Variants in PDE8B observed in about 807,000 individuals in gnomAD.
The protein encoded by PDE8B is high affinity cAMP-specific and IBMX-insensitive 3',5'-cyclic phosphodiesterase 8B.
PDE8B carries 26 observed loss-of-function variants against 101.3 expected under a neutral mutation model. That is an observed-to-expected ratio of 0.26 (90% CI 0.19 to 0.36). The LOEUF is 0.36. PDE8B is among the 10% of genes least tolerant of loss of function. The probability of loss-of-function intolerance (pLI) is 1.00; values close to 1 mark genes in which losing one functional copy is unlikely to be tolerated. For missense variants in PDE8B, 810 were observed against 1,163.1 expected, an observed-to-expected ratio of 0.70 and a Z score of 4.42; for synonymous variants, 424 against 429.3, an observed-to-expected ratio of 0.99 and a Z score of 0.15.
At chr5:77,299,270 T>C (rs995760315) in intron 1 of PDE8B, among the ~76,000 whole-genome samples, 1 of 131,316 alleles carries the variant, frequency 7.6e-6, no homozygotes, top group African/African-American at 2.9e-5. Flanking sequence ...TTGTTTGTTT[T>C]ATTTTATTAT....
chr5:77,144,782 C>G, the PDE8B span: 1 of 152,040 alleles, frequency 6.6e-6, no homozygotes, highest in African/African-American at 2.4e-5. Flanking sequence ...AACTGATAGC[C>G]AGGCCTGGCT....
chr5:77,362,666 T>C (rs566406235), intron 10 of PDE8B, among the ~76,000 whole-genome samples: 4 of 152,356 alleles, frequency 2.6e-5, no homozygotes, highest in African/African-American at 9.6e-5. Context: ...CAGGCATCTT[T>C]GAGGAGCACG....
intron 10 of PDE8B, among the ~76,000 whole-genome samples, chr5:77,377,875 G>A (rs1028150662): frequency 3.9e-5 from 6 of 152,078 alleles, no homozygotes; most frequent in African/African-American, 9.7e-5. Flanking sequence ...TTCAGACTTC[G>A]GGACTTATGC....
At chr5:77,163,901 C>T in the PDE8B span, among the ~76,000 whole-genome samples, 3 of 152,224 alleles carry the variant, frequency 2.0e-5, no homozygotes, top group Admixed American at 6.5e-5. Flanking sequence ...ATCAGTTAAA[C>T]GTGGCCTTGT....
the PDE8B span, among the ~76,000 whole-genome samples, chr5:77,181,752 C>G: frequency 6.6e-6 from 1 of 152,152 alleles, no homozygotes; most frequent in Non-Finnish European, 1.5e-5. Context: ...CTGATAGTTA[C>G]AAGTGCTTCT....
intron 10 of PDE8B, among the ~76,000 whole-genome samples, chr5:77,397,155 G>A (rs913933471): frequency 3.4e-5 from 5 of 146,666 alleles, no homozygotes; most frequent in Admixed American, 2.1e-4. Context: ...TCAGCCTCCC[G>A]AGTAGCGGGG....
At chr5:77,251,252 A>T (rs1423622762) in intron 1 of PDE8B, among the ~76,000 whole-genome samples, 1 of 152,184 alleles carries the variant, frequency 6.6e-6, no homozygotes, top group Non-Finnish European at 1.5e-5. Flanking sequence ...TTTGAAGGTC[A>T]TCTGTATTTT....
In PDE8B at chr5:77,344,929, C is replaced by G. The variant is rs144671246; in HGVS notation, c.874C>G (p.Gln292Glu). ...IEITSDDHVI[Q>E]YVNPAFERMM... The stretch of plus-strand genomic sequence containing the variant: ...AATAACAAGCGATGACCACGTGATT[C>G]AGGTATGGAAAGAAACCACCTCTAT... Residue 292 changes from glutamine (Q) to glutamate (E), a missense_variant and splice_region_variant, in exon 7 of 22, where the codon CAG (glutamine) becomes GAG (glutamate). Transcript: ENST00000264917. The G allele has an allele frequency of 4.5e-5, 72 of 1,600,978 alleles. No individual in the cohort carries two copies. The African/African-American group carries it at 8.4e-4, about 19-fold the overall frequency.
chr5:77,329,669 C>T lies in PDE8B; in HGVS notation c.650+612C>T, dbSNP rs528547219. Among the ~76,000 whole-genome samples, 2 of 152,162 alleles carry T rather than the reference C, an allele frequency of 1.3e-5. 1 individual carries two copies. The highest frequency in any genetic ancestry group is 1.3e-4 in the Admixed American group (2 of 15,278). On this transcript the variant is annotated intron_variant, in intron 4 of 21. Coordinates refer to ENST00000264917, the MANE Select transcript of PDE8B (RefSeq NM_003719.5). ...GTGGCCAGCACTTAAAATAAAAGAG[C>T]CAGCAGGAAGAAAAGTTGTCTGTGC...
chr5:77,426,675 T>TA lies in PDE8B; in HGVS notation c.*122dup. 1 of 710,146 alleles carries TA rather than the reference T, an allele frequency of 1.4e-6. No individual in the cohort carries two copies. 44.0% of individuals were successfully genotyped at this position (710,146 alleles called of 1,614,324 possible). A position where few individuals can be genotyped will look rare whatever the true frequency, so the allele number is the denominator to read the frequency against. On this transcript the variant is annotated 3_prime_UTR_variant, in exon 22 of 22. Transcript: ENST00000264917. ...TATTGGTGAAGGAGCTAATGTTTAA[T>TA]ATTTGACCTTGAATCATTCAAGTCC...
At chr5:77,320,491 T>C (rs1774809851) in intron 2 of PDE8B, among the ~76,000 whole-genome samples, 1 of 152,154 alleles carries the variant, frequency 6.6e-6, no homozygotes, top group African/African-American at 2.4e-5. Context: ...CTGCTTGTTC[T>C]CCTGTGCTTG....
intron 5 of PDE8B, among the ~76,000 whole-genome samples, chr5:77,335,975 C>T (rs1190421019): frequency 6.6e-6 from 1 of 152,046 alleles, no homozygotes; most frequent in Admixed American, 6.6e-5. Flanking sequence ...CACTGAATCA[C>T]ATAGCATATA....
chr5:77,245,807 A>C, intron 1 of PDE8B, among the ~76,000 whole-genome samples: 1 of 114,464 alleles, frequency 8.7e-6, no homozygotes, highest in Non-Finnish European at 1.7e-5. Flanking sequence ...ACTACTATGT[A>C]TTTTGTACCC....
chr5:77,173,537 T>A, the PDE8B span, among the ~76,000 whole-genome samples: 1 of 152,086 alleles, frequency 6.6e-6, no homozygotes, highest in East Asian at 1.9e-4. Context: ...GAAAAAGCAA[T>A]TTGGGGAGAA....
chr5:77,342,036 T>C (rs4704410), intron 6 of PDE8B, among the ~76,000 whole-genome samples: 127,409 of 152,184 alleles, frequency 0.84, 53,750 homozygotes, highest in East Asian at 0.97. Context: ...GAATGGCGTC[T>C]TGCAGTTGGC....
At chr5:77,180,444 C>T in the PDE8B span, 1 of 985,398 alleles carries the variant, frequency 1.0e-6, no homozygotes. Flanking sequence ...AGCCGCCCGC[C>T]GCCGGCATGG....
intron 12 of PDE8B, among the ~76,000 whole-genome samples, chr5:77,405,524 C>T (rs924022071): frequency 1.3e-5 from 2 of 152,062 alleles, no homozygotes; most frequent in South Asian, 4.1e-4. Flanking sequence ...AGTTGGCAGT[C>T]CTAGTGGTGA....
chr5:77,235,455 G>A (rs1038303139), intron 1 of PDE8B, among the ~76,000 whole-genome samples: 2 of 152,170 alleles, frequency 1.3e-5, no homozygotes, highest in African/African-American at 4.8e-5. Context: ...CCCTGTTAGA[G>A]TCTCATTCTT....
chr5:77,182,715 A>G, the PDE8B span, among the ~76,000 whole-genome samples: 1 of 151,608 alleles, frequency 6.6e-6, no homozygotes, highest in African/African-American at 2.4e-5. Context: ...TGTATTAAAT[A>G]TTGGATGCCT....
Sources: gnomAD v4.1 joint callset for allele counts (sites outside exome capture counted in the v4.1 genomes callset) on GRCh38, gnomAD v4.1.1 for gene constraint, MANE v1.5 for transcripts, NCBI Gene and HGNC (gene_info 2026-07-23, HGNC 2026-07-21) for gene names.